SORCS2: variants seen among roughly 807,000 people sequenced by gnomAD.
The protein encoded by SORCS2 is sortilin related VPS10 domain containing receptor 2, also known as VPS10 domain-containing receptor SorCS2.
A neutral mutation model predicts 141.6 loss-of-function variants in SORCS2; 100 were observed. That is an observed-to-expected ratio of 0.71 (90% CI 0.60 to 0.83). The LOEUF (loss-of-function observed/expected upper bound fraction) is 0.83, where lower values mean the gene tolerates loss of function less well. Ranked by LOEUF, SORCS2 falls within the 40% of genes least tolerant of loss-of-function variation. SORCS2 has a pLI of 0.00. For missense variants in SORCS2, 1,646 were observed against 1,560.2 expected (o/e 1.05, Z -0.93); for synonymous variants, 789 against 676.9 (o/e 1.17, Z -2.57).
Position 7,376,303 on chromosome 4 carries a change from A to G in SORCS2, c.481-19985A>G, listed in dbSNP as rs1722650195. 2.7e-5 allele frequency among the ~76,000 whole-genome samples: 4 copies of G among 150,942 alleles called. No individual in the cohort carries two copies. The South Asian group carries it at 8.4e-4, about 32-fold the overall frequency. ...AAAAAAAAAAAAATACTGGCTGGGCACGGTGGCTCATGCCTGTAATCCCAG... is the reference window on the plus strand; with the variant it reads ...AAAAAAAAAAAAATACTGGCTGGGCGCGGTGGCTCATGCCTGTAATCCCAG... On this transcript the variant is annotated intron_variant, in intron 1 of 26. Coordinates refer to ENST00000507866, the MANE Select transcript of SORCS2 (RefSeq NM_020777.3).
rs1218244204 is a variant in SORCS2, at chr4:7,728,383, A to G, written c.2903A>G (p.Lys968Arg). Reference protein sequence around the residue: ...QFQVMPLQFSKELDAYNPNTP... With the variant: ...QFQVMPLQFSRELDAYNPNTP... ...CAAGTCATGCCTCTGCAGTTTTCCA[A>G]GGAGCTGGATGCCTACAACCCCAAC... is the stretch of plus-strand genomic sequence containing the variant. The change falls in exon 22 of 27, where the codon AAG becomes AGG. Residue 968 changes from lysine (K) to arginine (R), a missense_variant. Lys to Arg is a conservative substitution (Grantham distance 26, BLOSUM62 2). Transcript: ENST00000507866. 6.8e-6 allele frequency: 11 copies of G among 1,613,640 alleles called. No homozygotes were observed. The highest frequency in any genetic ancestry group is 9.3e-6 in the Non-Finnish European group (11 of 1,179,832).
intron 10 of SORCS2, among the ~76,000 whole-genome samples, chr4:7,684,533 G>C (rs1201067227): frequency 6.6e-6 from 1 of 152,144 alleles, no homozygotes; most frequent in African/African-American, 2.4e-5. Flanking sequence ...CTGCTTCTCT[G>C]TCTGTTTCCC....
chr4:7,671,545 G>A (rs185299472), intron 8 of SORCS2, among the ~76,000 whole-genome samples: 1 of 152,198 alleles, frequency 6.6e-6, no homozygotes, highest in Non-Finnish European at 1.5e-5. Context: ...AGAAATTCTG[G>A]AGCTAAAAAG....
intron 3 of SORCS2, among the ~76,000 whole-genome samples, chr4:7,623,454 CCTT>C (rs1415464341): frequency 6.6e-6 from 1 of 152,092 alleles, no homozygotes; most frequent in African/African-American, 2.4e-5. Context: ...TCTGGCCACT[CCTT>C]CTCAGTCTCT....
At chr4:7,337,526 G>T (rs1720062211) in intron 1 of SORCS2, among the ~76,000 whole-genome samples, 2 of 152,136 alleles carry the variant, frequency 1.3e-5, no homozygotes, top group East Asian at 3.9e-4. Flanking sequence ...GGGCAGCGGA[G>T]ACCTGGCTTG....
intron 2 of SORCS2, among the ~76,000 whole-genome samples, chr4:7,423,357 T>C (rs537081169): frequency 1.3e-5 from 2 of 152,352 alleles, no homozygotes; most frequent in African/African-American, 4.8e-5. Context: ...TCCCTGGCTA[T>C]GTGGTTCACT....
At chr4:7,571,690 G>A (rs1369632789) in intron 3 of SORCS2, among the ~76,000 whole-genome samples, 1 of 152,064 alleles carries the variant, frequency 6.6e-6, no homozygotes, top group Non-Finnish European at 1.5e-5. Context: ...AGAAATTGGG[G>A]GCCTGTGCTA....
chr4:7,583,275 G>C (rs1453335821), intron 3 of SORCS2, among the ~76,000 whole-genome samples: 2 of 152,144 alleles, frequency 1.3e-5, no homozygotes, highest in Admixed American at 6.5e-5. Context: ...TGGAAGGCAT[G>C]CCCACTTTCG....
intron 1 of SORCS2, among the ~76,000 whole-genome samples, chr4:7,209,261 C>T (rs1180257914): frequency 1.3e-5 from 2 of 152,190 alleles, no homozygotes; most frequent in African/African-American, 2.4e-5. Context: ...GCACGCCCCG[C>T]CCCCGTCTGT....
chr4:7,302,059 C>T (rs746886522), intron 1 of SORCS2, among the ~76,000 whole-genome samples: 5 of 152,226 alleles, frequency 3.3e-5, no homozygotes, highest in Admixed American at 6.5e-5. Flanking sequence ...CCAAAGTGTC[C>T]GTACCTGCAT....
At chr4:7,556,769 C>T (rs1714147136) in intron 3 of SORCS2, among the ~76,000 whole-genome samples, 1 of 150,850 alleles carries the variant, frequency 6.6e-6, no homozygotes, top group Non-Finnish European at 1.5e-5. Context: ...ACCCATTCAC[C>T]CACCACCTAC....
At chr4:7,550,670 A>G (rs976286638) in intron 3 of SORCS2, among the ~76,000 whole-genome samples, 3 of 152,212 alleles carry the variant, frequency 2.0e-5, no homozygotes, top group African/African-American at 2.4e-5. Flanking sequence ...CTAGTAGATC[A>G]TGGACTTGTC....
At chr4:7,369,618 G>C (rs1722122826) in intron 1 of SORCS2, among the ~76,000 whole-genome samples, 1 of 152,160 alleles carries the variant, frequency 6.6e-6, no homozygotes, top group Non-Finnish European at 1.5e-5. Context: ...CTCAGTCTGG[G>C]AAGCTGACAC....
chr4:7,293,100 C>A (rs1366174586), intron 1 of SORCS2, among the ~76,000 whole-genome samples: 1 of 151,982 alleles, frequency 6.6e-6, no homozygotes, highest in African/African-American at 2.4e-5. Context: ...GTCAGGAGAT[C>A]GAGACTATCC....
At chr4:7,615,126 T>G (rs1718675409) in intron 3 of SORCS2, among the ~76,000 whole-genome samples, 1 of 152,192 alleles carries the variant, frequency 6.6e-6, no homozygotes, top group African/African-American at 2.4e-5. Context: ...CTCCATCTGT[T>G]CATCCATCTG....
At chr4:7,724,521 GA>G (rs1726939264) in intron 19 of SORCS2, among the ~76,000 whole-genome samples, 1 of 148,696 alleles carries the variant, frequency 6.7e-6, no homozygotes, top group Non-Finnish European at 1.5e-5. Flanking sequence ...TGATGGTGGT[GA>G]TAGGGTGGTG....
intron 1 of SORCS2, among the ~76,000 whole-genome samples, chr4:7,281,958 T>C (rs1715913951): frequency 6.6e-6 from 1 of 152,198 alleles, no homozygotes; most frequent in African/African-American, 2.4e-5. Context: ...CGCCAGTGTG[T>C]GATGGAAACT....
chr4:7,329,398 G>A (rs534428959), intron 1 of SORCS2, among the ~76,000 whole-genome samples: 20 of 152,180 alleles, frequency 1.3e-4, no homozygotes, highest in Non-Finnish European at 2.6e-4. Flanking sequence ...GACACCTCCC[G>A]GGCCAGCCAC....
At chr4:7,295,589 C>A (rs1459643689) in intron 1 of SORCS2, among the ~76,000 whole-genome samples, 1 of 152,212 alleles carries the variant, frequency 6.6e-6, no homozygotes, top group South Asian at 2.1e-4. Context: ...GGGGGCTGGA[C>A]TCCAGCCTCA....
Sources: gnomAD v4.1 joint callset for allele counts (sites outside exome capture counted in the v4.1 genomes callset) on GRCh38, gnomAD v4.1.1 for gene constraint, MANE v1.5 for transcripts, NCBI Gene and HGNC (gene_info 2026-07-23, HGNC 2026-07-21) for gene names.